The following TAS2R1 variants were observed in gnomAD, a reference collection of about 807,000 sequenced individuals.
The protein encoded by TAS2R1 is taste 2 receptor member 1.
For missense variants in TAS2R1, 370 were observed against 353.4 expected, an observed-to-expected ratio of 1.05 and a Z score of -0.38; for synonymous variants, 141 against 134.2, an observed-to-expected ratio of 1.05 and a Z score of -0.35.
At chr5:9,844,615 C>A in the TAS2R1 span, among the ~76,000 whole-genome samples, 1 of 152,162 alleles carries the variant, frequency 6.6e-6, no homozygotes, top group East Asian at 1.9e-4. Flanking sequence ...GGTTTCAGCA[C>A]ATCTCCCCTC....
chr5:9,694,468 C>T (rs1254105172), intron 1 of TAS2R1, among the ~76,000 whole-genome samples: 3 of 152,138 alleles, frequency 2.0e-5, no homozygotes, highest in African/African-American at 7.2e-5. Context: ...ACCCTACTTA[C>T]AAAACAAAGA....
At chr5:9,774,436 A>G in the TAS2R1 span, among the ~76,000 whole-genome samples, 1 of 152,210 alleles carries the variant, frequency 6.6e-6, no homozygotes, top group African/African-American at 2.4e-5. Context: ...TAACCTTATT[A>G]AGTTCGTTTA....
chr5:9,802,150 A>G, the TAS2R1 span, among the ~76,000 whole-genome samples: 1 of 152,154 alleles, frequency 6.6e-6, no homozygotes, highest in South Asian at 2.1e-4. Context: ...ACCAAAATAC[A>G]AGCAAGGACC....
the TAS2R1 span, among the ~76,000 whole-genome samples, chr5:9,811,345 G>A: frequency 3.9e-5 from 6 of 152,152 alleles, no homozygotes; most frequent in African/African-American, 1.4e-4. Context: ...TTTTGTTATA[G>A]CAGTCCAAAC....
the TAS2R1 span, among the ~76,000 whole-genome samples, chr5:9,760,614 A>G: frequency 6.6e-6 from 1 of 152,228 alleles, no homozygotes; most frequent in Non-Finnish European, 1.5e-5. Context: ...CAATGGATGT[A>G]GAAAAACCAT....
At chr5:9,768,052 C>T in the TAS2R1 span, among the ~76,000 whole-genome samples, 6 of 152,140 alleles carry the variant, frequency 3.9e-5, no homozygotes, top group Non-Finnish European at 7.4e-5. Context: ...CTCTCTCCTG[C>T]CCCCACCCTA....
intron 1 of TAS2R1, among the ~76,000 whole-genome samples, chr5:9,707,888 C>T (rs558996376): frequency 6.6e-6 from 1 of 152,222 alleles, no homozygotes; most frequent in Non-Finnish European, 1.5e-5. Flanking sequence ...TAGAACAACA[C>T]TTTGCTCACA....
chr5:9,662,733 T>C (rs1055053500), intron 1 of TAS2R1, among the ~76,000 whole-genome samples: 1 of 152,250 alleles, frequency 6.6e-6, no homozygotes, highest in East Asian at 1.9e-4. Context: ...CTGGAAATGA[T>C]AGTCTCTGAC....
the TAS2R1 span, among the ~76,000 whole-genome samples, chr5:9,765,868 G>C: frequency 6.6e-6 from 1 of 152,214 alleles, no homozygotes; most frequent in African/African-American, 2.4e-5. Flanking sequence ...ACATAGACTA[G>C]ATTACCCGAA....
chr5:9,883,490 A>G, the TAS2R1 span: 1 of 152,224 alleles, frequency 6.6e-6, no homozygotes, highest in East Asian at 1.9e-4. Context: ...GGAAGCATAC[A>G]TGGATTTCGT....
the TAS2R1 span, among the ~76,000 whole-genome samples, chr5:9,773,736 T>C: frequency 6.6e-6 from 1 of 152,216 alleles, no homozygotes; most frequent in Admixed American, 6.5e-5. Flanking sequence ...TTTAAATATG[T>C]CATGCCACTC....
chr5:9,848,129 C>T, the TAS2R1 span, among the ~76,000 whole-genome samples: 6 of 152,354 alleles, frequency 3.9e-5, no homozygotes, highest in African/African-American at 1.4e-4. Flanking sequence ...TTAGTATTCA[C>T]TGATCAAGAA....
chr5:9,797,005 G>T, the TAS2R1 span, among the ~76,000 whole-genome samples: 1 of 152,148 alleles, frequency 6.6e-6, no homozygotes, highest in Non-Finnish European at 1.5e-5. Flanking sequence ...TATAGGCAAC[G>T]TGTCTTGGAG....
At chr5:9,816,986 G>A in the TAS2R1 span, among the ~76,000 whole-genome samples, 7 of 152,130 alleles carry the variant, frequency 4.6e-5, no homozygotes, top group Non-Finnish European at 7.3e-5. Context: ...TATATAGGTA[G>A]TATTTTTATA....
the TAS2R1 span, among the ~76,000 whole-genome samples, chr5:9,744,121 G>A: frequency 1.7e-4 from 26 of 152,100 alleles, no homozygotes; most frequent in Middle Eastern, 6.8e-3. Context: ...TTTCCCCTCT[G>A]CCCAAGACCA....
At chr5:9,879,405 C>T in the TAS2R1 span, among the ~76,000 whole-genome samples, 1 of 152,218 alleles carries the variant, frequency 6.6e-6, no homozygotes, top group Non-Finnish European at 1.5e-5. Context: ...AGGTTGCCCA[C>T]ATGGAGGTGG....
the TAS2R1 span, among the ~76,000 whole-genome samples, chr5:9,853,158 C>T: frequency 6.6e-6 from 1 of 152,126 alleles, no homozygotes; most frequent in Non-Finnish European, 1.5e-5. Context: ...CACAGGCAAG[C>T]CCAAAAATTA....
chr5:9,678,785 G>T (rs1366581084), intron 1 of TAS2R1, among the ~76,000 whole-genome samples: 2 of 152,130 alleles, frequency 1.3e-5, no homozygotes, highest in Non-Finnish European at 2.9e-5. Context: ...CTGTTGGGGG[G>T]TTTGGGGGAG....
chr5:9,869,897 T>C, the TAS2R1 span, among the ~76,000 whole-genome samples: 3 of 152,250 alleles, frequency 2.0e-5, no homozygotes, highest in Non-Finnish European at 4.4e-5. Context: ...TTTCTCAAGA[T>C]AGAACAACTA....
Sources: allele counts gnomAD v4.1 joint callset (sites outside exome capture counted in the v4.1 genomes callset), GRCh38; gene constraint gnomAD v4.1.1; transcripts MANE v1.5; gene names NCBI Gene and HGNC (gene_info 2026-07-23, HGNC 2026-07-21).